Variants in POT1 observed in about 807,000 individuals in gnomAD.
The protein encoded by POT1 is protection of telomeres 1, also known as protection of telomeres protein 1.
Under a neutral mutation model 78.5 loss-of-function variants are expected in POT1, and 47 were observed. The observed-to-expected ratio is 0.60, with a 90% CI of 0.47 to 0.76. The LOEUF (loss-of-function observed/expected upper bound fraction) is 0.76, where lower values mean the gene tolerates loss of function less well. POT1 is among the 30% of genes least tolerant of loss of function. The pLI is 0.00. For missense variants in POT1, 646 were observed against 749.9 expected (o/e 0.86, Z 1.62); for synonymous variants, 259 against 260.7 (o/e 0.99, Z 0.06).
chr7:124,907,083 ACCAG>A (rs1796783419), intron 3 of POT1, among the ~76,000 whole-genome samples: 1 of 152,104 alleles, frequency 6.6e-6, no homozygotes, highest in South Asian at 2.1e-4. Context: ...AAGTTAGGAG[ACCAG>A]CCTGGAGAAA....
intron 17 of POT1, 139 bp from the exon 18 acceptor site, chr7:124,825,496 A>C: frequency 1.9e-6 from 1 of 516,452 alleles, no homozygotes; most frequent in Non-Finnish European, 3.3e-6. Flanking sequence ...AGAATTCATA[A>C]ACTAGAATGC....
rs10244817 is a variant in POT1 at position 124,827,416 on chromosome 7, T to C, written c.1595-111A>G. 0.25 allele frequency: 121,529 copies of C among 477,982 alleles called. 16,258 individuals are homozygous for C. The highest frequency in any genetic ancestry group is 0.33 in the East Asian group (8,776 of 26,980). The allele number at this position is 477,982 out of a possible 1,614,324, so 29.6% of individuals were successfully genotyped here. ...GACCTGTAAATTTTATTTACTAAAATAACTCAAGATACAAAGAAAAACTTG... is the reference window on the plus strand; with the variant it reads ...GACCTGTAAATTTTATTTACTAAAACAACTCAAGATACAAAGAAAAACTTG... On this transcript the variant is annotated intron_variant, in intron 16 of 18. Transcript: ENST00000357628.
At chr7:124,832,299 C>T (rs1010868965) in intron 15 of POT1, among the ~76,000 whole-genome samples, 15 of 146,022 alleles carry the variant, frequency 1.0e-4, no homozygotes, top group East Asian at 8.0e-4. Flanking sequence ...CAAAACGTTA[C>T]GATTTGTTAA....
At chr7:124,871,339 A>C (rs1795862887) in intron 6 of POT1, among the ~76,000 whole-genome samples, 1 of 152,124 alleles carries the variant, frequency 6.6e-6, no homozygotes, top group Admixed American at 6.6e-5. Flanking sequence ...ACAAATCATG[A>C]AACATAAATG....
chr7:124,831,614 A>G, intron 15 of POT1, among the ~76,000 whole-genome samples: 1 of 152,208 alleles, frequency 6.6e-6, no homozygotes, highest in South Asian at 2.1e-4. Flanking sequence ...TGACTTCATT[A>G]TGGTCTGTAA....
chr7:124,830,654 A>G (rs550204435), intron 15 of POT1, among the ~76,000 whole-genome samples: 3 of 152,070 alleles, frequency 2.0e-5, no homozygotes, highest in African/African-American at 7.2e-5. Context: ...AACATAAACT[A>G]AATATATCAA....
intron 2 of POT1, among the ~76,000 whole-genome samples, chr7:124,922,328 T>C (rs1797171642): frequency 1.3e-5 from 2 of 152,174 alleles, no homozygotes; most frequent in South Asian, 2.1e-4. Context: ...ATGGTAAATA[T>C]GTCAGTAAAT....
chr7:124,857,770 A>T (rs562559997), intron 9 of POT1, among the ~76,000 whole-genome samples: 1 of 152,084 alleles, frequency 6.6e-6, no homozygotes, highest in Non-Finnish European at 1.5e-5. Flanking sequence ...TATTCTTGAG[A>T]CCTCATTCCT....
At chr7:124,916,087 G>C (rs1797007994) in intron 2 of POT1, among the ~76,000 whole-genome samples, 1 of 152,088 alleles carries the variant, frequency 6.6e-6, no homozygotes, top group Admixed American at 6.6e-5. Context: ...GTACAGTTTA[G>C]TCTTTGTTCA....
intron 3 of POT1, among the ~76,000 whole-genome samples, chr7:124,906,440 G>A (rs770304142): frequency 8.2e-5 from 12 of 146,996 alleles, no homozygotes; most frequent in Non-Finnish European, 1.6e-4. Flanking sequence ...ACTGAACAAT[G>A]AGAACACTTG....
chr7:124,913,382 CATTAGAT>C (rs1420335101), intron 3 of POT1, among the ~76,000 whole-genome samples: 1 of 152,190 alleles, frequency 6.6e-6, no homozygotes, highest in Non-Finnish European at 1.5e-5. Context: ...AGCAAATCCT[CATTAGAT>C]ATATGATTTG....
intron 15 of POT1, among the ~76,000 whole-genome samples, chr7:124,834,826 A>G (rs987239081): frequency 1.3e-5 from 2 of 152,230 alleles, no homozygotes; most frequent in African/African-American, 4.8e-5. Flanking sequence ...TCACAATAGC[A>G]AAGACCTGGA....
At chr7:124,850,742 AAAAC>A (rs769658710) in intron 11 of POT1, among the ~76,000 whole-genome samples, 38 of 151,910 alleles carry the variant, frequency 2.5e-4, no homozygotes, top group African/African-American at 5.8e-4. Context: ...AAAAAAAAAC[AAAAC>A]AAACAAACAA....
intron 7 of POT1, among the ~76,000 whole-genome samples, chr7:124,865,897 C>T (rs7782327): frequency 0.6 from 91,296 of 151,782 alleles, 27,580 homozygotes; most frequent in African/African-American, 0.65. Flanking sequence ...TTTGGGCTAC[C>T]ATGGAGTTGG....
chr7:124,835,464 C>T, intron 14 of POT1, 50 bp from the exon 15 acceptor site: 1 of 1,575,090 alleles, frequency 6.3e-7, no homozygotes, highest in Non-Finnish European at 8.7e-7. Flanking sequence ...AAAATGTAGA[C>T]AAGTACAGTC....
chr7:124,880,468 T>C (rs570015479), intron 6 of POT1, among the ~76,000 whole-genome samples: 46 of 152,236 alleles, frequency 3.0e-4, no homozygotes, highest in Admixed American at 7.8e-4. Context: ...AATAGTTTAA[T>C]GTTAGCCAAG....
rs1796541753 is a variant in POT1 at position 124,898,287 on chromosome 7, A to G, written c.-66T>C. 1 of 151,818 alleles carries G rather than the reference A, an allele frequency of 6.6e-6. No homozygotes were observed. Among genetic ancestry groups the G allele is most frequent in the African/African-American group, 2.4e-5 (1 of 41,402 alleles). 9.4% of individuals were successfully genotyped at this position (151,818 alleles called of 1,614,324 possible). Reference sequence around the variant, plus strand: ...TAAACAGTTGATTTGAGGTCTTCAAATGCTTTCAAAAATATGCAAGGTTTA... The same window carrying G: ...TAAACAGTTGATTTGAGGTCTTCAAGTGCTTTCAAAAATATGCAAGGTTTA... On this transcript the variant is annotated 5_prime_UTR_variant, in exon 4 of 19. Coordinates refer to ENST00000357628, the MANE Select transcript of POT1 (RefSeq NM_015450.3).
At chr7:124,897,412 T>C (rs1056539884) in intron 4 of POT1, among the ~76,000 whole-genome samples, 200 bp from the exon 5 acceptor site, 1 of 151,644 alleles carries the variant, frequency 6.6e-6, no homozygotes, top group Admixed American at 6.6e-5. Context: ...AAGGCAAAGA[T>C]ATAAGGTCAA....
intron 15 of POT1, 48 bp from the exon 16 acceptor site, chr7:124,829,390 CTTGT>C (rs750811741): frequency 5.8e-5 from 74 of 1,266,540 alleles, no homozygotes; most frequent in Non-Finnish European, 7.8e-5. Flanking sequence ...AATAATTTAG[CTTGT>C]TTGTTATAAC....
Sources: allele counts gnomAD v4.1 joint callset (sites outside exome capture counted in the v4.1 genomes callset), GRCh38; gene constraint gnomAD v4.1.1; transcripts MANE v1.5; gene names NCBI Gene and HGNC (gene_info 2026-07-23, HGNC 2026-07-21).